Variants in LRP1B observed in about 807,000 individuals in gnomAD.
LRP1B encodes low-density lipoprotein receptor-related protein 1B.
Under a neutral mutation model 556.6 loss-of-function variants are expected in LRP1B, and 217 were observed. The ratio of observed to expected loss-of-function variants is 0.39; its 90% confidence interval spans 0.35 to 0.44. The LOEUF (loss-of-function observed/expected upper bound fraction) is 0.44. LRP1B is among the 20% of genes least tolerant of loss of function. LRP1B has a pLI of 1.00. For synonymous variants in LRP1B, 2,047 were observed against 1,865.8 expected (o/e 1.10, Z -2.50); for missense variants, 5,053 against 5,620.8 (o/e 0.90, Z 3.23).
intron 1 of LRP1B, among the ~76,000 whole-genome samples, chr2:141,812,757 T>C (rs936563908): frequency 1.3e-5 from 2 of 152,070 alleles, no homozygotes; most frequent in Admixed American, 6.6e-5. Flanking sequence ...TGCAATTCTC[T>C]AGAGAAGATT....
intron 2 of LRP1B, among the ~76,000 whole-genome samples, chr2:141,652,484 C>G (rs887443206): frequency 1.1e-4 from 16 of 152,068 alleles, no homozygotes; most frequent in African/African-American, 3.9e-4. Flanking sequence ...TTCTGTATGT[C>G]TTTTTAGCAA....
intron 2 of LRP1B, among the ~76,000 whole-genome samples, chr2:141,732,279 T>G (rs1342931999): frequency 6.6e-6 from 1 of 152,184 alleles, no homozygotes; most frequent in Non-Finnish European, 1.5e-5. Context: ...CTGTTCCCTC[T>G]GGAGTAGATA....
intron 1 of LRP1B, among the ~76,000 whole-genome samples, chr2:141,875,258 C>G (rs577790568): frequency 6.6e-6 from 1 of 151,936 alleles, no homozygotes; most frequent in East Asian, 1.9e-4. Context: ...GATTCTCCTT[C>G]CTTGGCCTCC....
At chr2:141,276,074 T>C (rs935651100) in intron 3 of LRP1B, among the ~76,000 whole-genome samples, 2 of 152,228 alleles carry the variant, frequency 1.3e-5, no homozygotes, top group African/African-American at 4.8e-5. Flanking sequence ...ACAAAAGTAT[T>C]CATTTTAATG....
chr2:140,483,579 T>C lies in LRP1B; in HGVS notation c.9425+1764A>G, dbSNP rs11903794. Among the ~76,000 whole-genome samples, 583 of 142,434 alleles carry C rather than the reference T, an allele frequency of 4.1e-3. 5 individuals are homozygous for C. The highest frequency in any genetic ancestry group is 0.015 in the African/African-American group (548 of 37,724). 93.4% of individuals were successfully genotyped at this position (142,434 alleles called of 152,430 possible). On this transcript the variant is annotated intron_variant, in intron 59 of 90. Transcript: ENST00000389484. ...ACACTCAAATATATATATATATATG[T>C]ACACACACATATATATAGACACACA...
intron 10 of LRP1B, among the ~76,000 whole-genome samples, chr2:141,049,729 TAC>T (rs1411105526): frequency 6.6e-6 from 1 of 152,096 alleles, no homozygotes; most frequent in Non-Finnish European, 1.5e-5. Context: ...GTGAATATAT[TAC>T]AGTTGCCCAA....
rs1558934176 is a variant in LRP1B at position 141,209,069 on chromosome 2, AAC to A, written c.850+20112_850+20113del. Reference sequence around the variant, plus strand: ...CCTTAGAAACAAGCACCTACACAGAAACACAGTCACAGACACAGCACTACAAT... The same window carrying A: ...CCTTAGAAACAAGCACCTACACAGAAACAGTCACAGACACAGCACTACAAT... On this transcript the variant is annotated intron_variant, in intron 6 of 90. Coordinates refer to ENST00000389484, the MANE Select transcript of LRP1B (RefSeq NM_018557.3). 1.8e-4 allele frequency among the ~76,000 whole-genome samples: 27 copies of A among 152,164 alleles called. 1 individual carries two copies. In the South Asian group the frequency reaches 5.6e-3, roughly 32 times the overall value.
chr2:142,107,198 G>T, intron 1 of LRP1B, among the ~76,000 whole-genome samples: 1 of 152,028 alleles, frequency 6.6e-6, no homozygotes, highest in South Asian at 2.1e-4. Flanking sequence ...TGCTCAAAAA[G>T]GTTGATGCTA....
chr2:140,278,760 T>C (rs1230345313), intron 84 of LRP1B, among the ~76,000 whole-genome samples: 1 of 151,994 alleles, frequency 6.6e-6, no homozygotes, highest in Admixed American at 6.6e-5. Flanking sequence ...GCAGAAATCA[T>C]TTTATGCTCT....
intron 32 of LRP1B, among the ~76,000 whole-genome samples, chr2:140,807,210 G>A (rs1189392673): frequency 2.6e-5 from 4 of 152,090 alleles, no homozygotes; most frequent in African/African-American, 9.7e-5. Flanking sequence ...TGAATACTAG[G>A]TAATCAATAG....
At chr2:141,439,447 A>T (rs1680879441) in intron 3 of LRP1B, among the ~76,000 whole-genome samples, 1 of 146,620 alleles carries the variant, frequency 6.8e-6, no homozygotes, top group Non-Finnish European at 1.5e-5. Context: ...GAAGAAAATT[A>T]ATAATTTTTT....
Position 140,554,884 on chromosome 2 carries a change from G to GTGTGTATATA in LRP1B, c.7195-12914_7195-12913insTATATACACA, listed in dbSNP as rs56040453. Reference sequence around the variant, plus strand: ...TGTGTGTGTGTGTGTGTGTGTGTGTGTATATGTATATGAACTACTAGCTAG... The same window carrying GTGTGTATATA: ...TGTGTGTGTGTGTGTGTGTGTGTGTGTGTGTATATATATATGTATATGAACTACTAGCTAG... On this transcript the variant is annotated intron_variant, in intron 43 of 90. Transcript: ENST00000389484. Among the ~76,000 whole-genome samples the GTGTGTATATA allele has an allele frequency of 5.9e-4, 88 of 148,658 alleles. 1 individual carries two copies. The highest frequency in any genetic ancestry group is 2.0e-3 in the East Asian group (10 of 5,018).
intron 42 of LRP1B, among the ~76,000 whole-genome samples, chr2:140,599,072 A>T (rs2105190539): frequency 6.6e-6 from 1 of 152,230 alleles, no homozygotes; most frequent in East Asian, 1.9e-4. Flanking sequence ...TATCCTGTGT[A>T]TTCCTTCAAA....
chr2:140,869,525 A>C (rs1693059062), intron 25 of LRP1B, among the ~76,000 whole-genome samples: 1 of 152,162 alleles, frequency 6.6e-6, no homozygotes, highest in Admixed American at 6.6e-5. Flanking sequence ...GCTATTATAC[A>C]GAGAATAGAT....
rs1224947253 is a variant in LRP1B at position 141,096,633 on chromosome 2, A to AGG, written c.1014-34361_1014-34360insCC. Among the ~76,000 whole-genome samples the AGG allele has an allele frequency of 5.7e-3, 232 of 40,978 alleles. 7 individuals carry two copies. Among genetic ancestry groups the AGG allele is most frequent in the African/African-American group, 0.021 (212 of 10,270 alleles). 26.9% of individuals were successfully genotyped at this position (40,978 alleles called of 152,430 possible). On this transcript the variant is annotated intron_variant, in intron 7 of 90. Coordinates refer to ENST00000389484, the MANE Select transcript of LRP1B (RefSeq NM_018557.3). ...ATGACAAAGACGGGGAGAGGGGGAG[A>AGG]GAGAGAGAGAGAGAGAGAGAGAGAG...
chr2:141,897,628 C>G (rs947731563), intron 1 of LRP1B, among the ~76,000 whole-genome samples: 1 of 152,112 alleles, frequency 6.6e-6, no homozygotes, highest in Admixed American at 6.6e-5. Context: ...TTTGTCTATG[C>G]CACATCAGAA....
At chr2:141,700,666 T>C (rs1574258718) in intron 2 of LRP1B, among the ~76,000 whole-genome samples, 1 of 151,576 alleles carries the variant, frequency 6.6e-6, no homozygotes, top group Non-Finnish European at 1.5e-5. Flanking sequence ...GAATCCCTCT[T>C]CCCCAAGGTG....
chr2:140,620,216 T>C (rs374510788), intron 41 of LRP1B, among the ~76,000 whole-genome samples: 1 of 152,296 alleles, frequency 6.6e-6, no homozygotes, highest in East Asian at 1.9e-4. Flanking sequence ...TGCAAGGCCA[T>C]TGTCCACTCC....
intron 2 of LRP1B, among the ~76,000 whole-genome samples, chr2:141,674,556 A>G (rs1690802423): frequency 6.6e-6 from 1 of 152,050 alleles, no homozygotes. Flanking sequence ...GTTATAATTA[A>G]TAATAATCAT....
Sources: gnomAD v4.1 joint callset for allele counts (sites outside exome capture counted in the v4.1 genomes callset) on GRCh38, gnomAD v4.1.1 for gene constraint, MANE v1.5 for transcripts, NCBI Gene and HGNC (gene_info 2026-07-23, HGNC 2026-07-21) for gene names.